Variants in ST18 observed in about 807,000 individuals in gnomAD.
The protein encoded by ST18 is suppression of tumorigenicity 18 protein.
A neutral mutation model predicts 110.0 loss-of-function variants in ST18; 50 were observed. The observed-to-expected ratio is 0.45, with a 90% CI of 0.36 to 0.58. The LOEUF (loss-of-function observed/expected upper bound fraction) is 0.58. Ranked by LOEUF, ST18 falls within the 20% of genes least tolerant of loss-of-function variation. ST18 has a pLI of 0.00. For missense variants in ST18, 1,306 were observed against 1,280.1 expected (o/e 1.02, Z -0.31); for synonymous variants, 461 against 452.4 (o/e 1.02, Z -0.24).
At chr8:52,352,683 A>T (rs527528812) in intron 2 of ST18, among the ~76,000 whole-genome samples, 82 of 152,296 alleles carry the variant, frequency 5.4e-4, no homozygotes, top group African/African-American at 1.9e-3. Flanking sequence ...AGCGACACTC[A>T]TGAAGAAGCC....
intron 2 of ST18, among the ~76,000 whole-genome samples, chr8:52,292,178 C>T (rs2095566448): frequency 6.6e-6 from 1 of 152,224 alleles, no homozygotes; most frequent in South Asian, 2.1e-4. Context: ...TTCTGGGGCT[C>T]CATGCATTAA....
intron 15 of ST18, among the ~76,000 whole-genome samples, chr8:52,151,195 C>G (rs114602230): frequency 6.6e-6 from 1 of 152,014 alleles, no homozygotes; most frequent in Admixed American, 6.6e-5. Context: ...TAAACAACCC[C>G]CCACTCCCAA....
At chr8:52,150,074 T>C (rs999285584) in intron 15 of ST18, 97 bp from the exon 16 acceptor site, 3 of 1,440,448 alleles carry the variant, frequency 2.1e-6, no homozygotes, top group Non-Finnish European at 2.8e-6. Flanking sequence ...TGTAAGCTTT[T>C]ATGTAAGTAT....
chr8:52,188,540 C>T (rs974535424), intron 8 of ST18, among the ~76,000 whole-genome samples: 1 of 152,174 alleles, frequency 6.6e-6, no homozygotes, highest in Non-Finnish European at 1.5e-5. Flanking sequence ...ATTTTAGGAA[C>T]TTTGACTCAG....
intron 19 of ST18, among the ~76,000 whole-genome samples, chr8:52,135,568 C>CAAAAAA (rs71252929): frequency 1.2e-3 from 67 of 55,860 alleles, no homozygotes; most frequent in Middle Eastern, 9.1e-3. Context: ...AACTCCATCT[C>CAAAAAA]AAAAAAAAAA....
At chr8:52,178,806 G>A (rs891742807) in intron 9 of ST18, among the ~76,000 whole-genome samples, 2 of 151,562 alleles carry the variant, frequency 1.3e-5, no homozygotes, top group Non-Finnish European at 2.9e-5. Flanking sequence ...ATACAGAAAA[G>A]CCAAAGAATT....
chr8:52,368,436 A>C (rs963872741), intron 2 of ST18, among the ~76,000 whole-genome samples: 1 of 152,256 alleles, frequency 6.6e-6, no homozygotes, highest in Admixed American at 6.5e-5. Flanking sequence ...TGGATCATTT[A>C]GTTCCACAAC....
intron 2 of ST18, among the ~76,000 whole-genome samples, chr8:52,290,404 A>T (rs2095537952): frequency 6.6e-6 from 1 of 152,232 alleles, no homozygotes; most frequent in Non-Finnish European, 1.5e-5. Context: ...ATGCTTAATG[A>T]GTAAGAGCTT....
At chr8:52,394,754 C>T (rs575324516) in intron 2 of ST18, among the ~76,000 whole-genome samples, 1 of 152,330 alleles carries the variant, frequency 6.6e-6, no homozygotes, top group South Asian at 2.1e-4. Context: ...TATATCATCA[C>T]CCACACAGTT....
chr8:52,318,059 A>G (rs2096061560), intron 2 of ST18, among the ~76,000 whole-genome samples: 1 of 152,222 alleles, frequency 6.6e-6, no homozygotes, highest in Non-Finnish European at 1.5e-5. Context: ...GAGCTTCTGC[A>G]CAGCAAAAGA....
At chr8:52,369,117 T>A (rs1046186769) in intron 2 of ST18, among the ~76,000 whole-genome samples, 1 of 152,228 alleles carries the variant, frequency 6.6e-6, no homozygotes, top group African/African-American at 2.4e-5. Flanking sequence ...ATATGCACTA[T>A]TTAATAATGT....
At chr8:52,348,430 TA>T (rs887839659) in intron 2 of ST18, among the ~76,000 whole-genome samples, 1 of 152,132 alleles carries the variant, frequency 6.6e-6, no homozygotes, top group African/African-American at 2.4e-5. Flanking sequence ...TTCTATTTTT[TA>T]AAAAAATGTT....
intron 22 of ST18, among the ~76,000 whole-genome samples, chr8:52,130,810 G>A (rs536466608): frequency 6.6e-6 from 1 of 152,268 alleles, no homozygotes; most frequent in Non-Finnish European, 1.5e-5. Flanking sequence ...GCTCACCACA[G>A]TACAGCATTA....
intron 2 of ST18, among the ~76,000 whole-genome samples, chr8:52,372,966 C>T (rs1036703474): frequency 5.3e-5 from 8 of 152,128 alleles, no homozygotes; most frequent in South Asian, 2.1e-4. Context: ...TTTAAAACAC[C>T]GTGAAAAGTT....
chr8:52,248,964 G>A (rs755912937), intron 2 of ST18, among the ~76,000 whole-genome samples: 1 of 152,054 alleles, frequency 6.6e-6, no homozygotes, highest in Non-Finnish European at 1.5e-5. Flanking sequence ...TCACATGCAT[G>A]CCCCAGGTTT....
intron 2 of ST18, among the ~76,000 whole-genome samples, chr8:52,384,786 G>GGTGTGTGTGTGTGT (rs60638852): frequency 7.5e-5 from 11 of 147,386 alleles, no homozygotes; most frequent in African/African-American, 2.5e-4. Flanking sequence ...TGTGTACACA[G>GGTGTGTGTGTGTGT]GTGTGTGTGT....
intron 6 of ST18, among the ~76,000 whole-genome samples, chr8:52,215,562 C>T (rs6992299): frequency 0.22 from 32,753 of 152,160 alleles, 4,153 homozygotes; most frequent in African/African-American, 0.34. Context: ...AACACCACAC[C>T]AATCGTTGAA....
chr8:52,169,282 T>C (rs1269457979), intron 10 of ST18, among the ~76,000 whole-genome samples: 1 of 152,170 alleles, frequency 6.6e-6, no homozygotes, highest in African/African-American at 2.4e-5. Flanking sequence ...TGTTGCATAA[T>C]GAGGGTGACC....
At chr8:52,384,351 C>A (rs544233742) in intron 2 of ST18, among the ~76,000 whole-genome samples, 1 of 152,246 alleles carries the variant, frequency 6.6e-6, no homozygotes, top group East Asian at 1.9e-4. Flanking sequence ...AGCAACAAAG[C>A]AGTCAGGGAG....
Sources: allele counts gnomAD v4.1 joint callset (sites outside exome capture counted in the v4.1 genomes callset), GRCh38; gene constraint gnomAD v4.1.1; transcripts MANE v1.5; gene names NCBI Gene and HGNC (gene_info 2026-07-23, HGNC 2026-07-21).